The following CEND1 variants were observed in gnomAD, a reference collection of about 807,000 sequenced individuals.
CEND1 encodes cell cycle exit and neuronal differentiation protein 1.
In CEND1, 1 loss-of-function variant was observed where a neutral mutation model predicts 4.4. The ratio of observed to expected loss-of-function variants is 0.23; its 90% confidence interval spans 0.08 to 1.09. CEND1 has a LOEUF of 1.09. CEND1 is among the 50% of genes least tolerant of loss of function. The pLI, the probability that CEND1 is intolerant of heterozygous loss-of-function variation, is 0.55. For synonymous variants in CEND1, 109 were observed against 93.0 expected, an observed-to-expected ratio of 1.17 and a Z score of -0.99; for missense variants, 213 against 201.2, an observed-to-expected ratio of 1.06 and a Z score of -0.35.
At position 788,538 on chromosome 11, in the gene CEND1, G is replaced by A. The variant is rs144365138; in HGVS notation, c.39C>T (p.Pro13=). The A allele has an allele frequency of 2.6e-4, 396 of 1,521,630 alleles. No individual in the cohort carries two copies. Among genetic ancestry groups the A allele is most frequent in the Non-Finnish European group, 3.2e-4 (369 of 1,135,960 alleles). The allele number at this position is 1,521,630 out of a possible 1,614,324, so 94.3% of individuals were successfully genotyped here. Residue 13 remains proline (P), a synonymous_variant, in exon 2 of 2, where the codon CCC becomes CCT. Coordinates refer to ENST00000330106, the MANE Select transcript of CEND1 (RefSeq NM_016564.4). ...TGGTGACCTGGGGCACCTTGGTGTC[G>A]GGCTTGGGGCTGCTGGCTGACTTCC... is the stretch of plus-strand genomic sequence containing the variant. ...SRGKSASSPK[P]DTKVPQVTTE...
At chr11:789,010 G>A (rs547534065) in intron 1 of CEND1, among the ~76,000 whole-genome samples, 1 of 152,326 alleles carries the variant, frequency 6.6e-6, no homozygotes, top group South Asian at 2.1e-4. Context: ...AGAACTCGAA[G>A]GAAGAGCATT....
intron 1 of CEND1, among the ~76,000 whole-genome samples, chr11:789,657 C>T (rs1163302856): frequency 6.6e-6 from 1 of 152,028 alleles, no homozygotes; most frequent in Non-Finnish European, 1.5e-5. Flanking sequence ...ACGTTCCCCA[C>T]CCCCCGCCAG....
At position 790,015 on chromosome 11, in the gene CEND1, A is replaced by G; in HGVS notation, c.-83+15T>C. On this transcript the variant is annotated intron_variant, in intron 1 of 1. Coordinates refer to ENST00000330106, the MANE Select transcript of CEND1 (RefSeq NM_016564.4). ...CGCCCCGCCCGCCCCGCCCGCCGGG[A>G]GCCCCCCGCCTTACGCGTCCTCCGG... 1 of 151,986 alleles carries G rather than the reference A, an allele frequency of 6.6e-6. No homozygotes were observed. The highest frequency in any genetic ancestry group is 1.8e-4 in the South Asian group (1 of 5,598). The allele number at this position is 151,986 out of a possible 1,614,324, so 9.4% of individuals were successfully genotyped here.
In CEND1 at chr11:788,171, T is replaced by C. The variant is rs1198541283; in HGVS notation, c.406A>G (p.Ile136Val). 1 of 1,598,964 alleles carries C rather than the reference T, an allele frequency of 6.3e-7. No homozygotes were observed. The highest frequency in any genetic ancestry group is 8.5e-7 in the Non-Finnish European group (1 of 1,175,974). ...LVAGGVAVAAIALILGVAFLV... is the reference protein window; with the variant it reads ...LVAGGVAVAAVALILGVAFLV... ...AAGGCCACACCGAGAATCAGGGCTA[T>C]GGCTGCCACGGCCACACCCCCAGCC... The change falls in exon 2 of 2, where the codon ATA becomes GTA. Residue 136 changes from isoleucine (I) to valine (V), a missense_variant. Physicochemically the swap from Ile to Val is conservative, Grantham distance 29 (BLOSUM62 3). Transcript: ENST00000330106.
rs773445788 is a variant in CEND1, at chr11:788,594, G to A, written c.-18C>T. On this transcript the variant is annotated 5_prime_UTR_variant, in exon 2 of 2. Transcript: ENST00000330106. ...GACTCCATGGTGGGCGGGGCGTATGGGACAGGCAGGTGGCTGCACCAGAGG... is the reference window on the plus strand; with the variant it reads ...GACTCCATGGTGGGCGGGGCGTATGAGACAGGCAGGTGGCTGCACCAGAGG... 6.7e-7 allele frequency: 1 copy of A among 1,501,548 alleles called. No individual in the cohort carries two copies. Among genetic ancestry groups the A allele is most frequent in the Admixed American group, 2.3e-5 (1 of 44,050 alleles). The allele number at this position is 1,501,548 out of a possible 1,614,324, so 93.0% of individuals were successfully genotyped here.
chr11:787,920 G>A lies in CEND1; in HGVS notation c.*207C>T, dbSNP rs1864379099. The A allele has an allele frequency of 2.5e-6, 1 of 403,088 alleles. No individual in the cohort carries two copies. The highest frequency in any genetic ancestry group is 4.4e-6 in the Non-Finnish European group (1 of 229,496). The allele number at this position is 403,088 out of a possible 1,614,324, so 25.0% of individuals were successfully genotyped here. A position where few individuals can be genotyped will look rare whatever the true frequency, so the allele number is the denominator to read the frequency against. On this transcript the variant is annotated 3_prime_UTR_variant, in exon 2 of 2. Transcript: ENST00000330106. ...CTGTGCTGTGGACCCCGGAGCCTGG[G>A]CTCTTTCTGCCCTGGAGGTTGGGGA...
Position 787,906 on chromosome 11 carries a change from A to C in CEND1, c.*221T>G, listed in dbSNP as rs1276795850. On this transcript the variant is annotated 3_prime_UTR_variant, in exon 2 of 2. Transcript: ENST00000330106. ...CCTCGCCCCACATCCTGTGCTGTGGACCCCGGAGCCTGGGCTCTTTCTGCC... is the reference window on the plus strand; with the variant it reads ...CCTCGCCCCACATCCTGTGCTGTGGCCCCCGGAGCCTGGGCTCTTTCTGCC... 2.1e-5 allele frequency: 8 copies of C among 384,540 alleles called. No individual in the cohort carries two copies. In the East Asian group the frequency reaches 3.1e-4, roughly 15 times the overall value. 23.8% of individuals were successfully genotyped at this position (384,540 alleles called of 1,614,324 possible). A position where few individuals can be genotyped will look rare whatever the true frequency, so the allele number is the denominator to read the frequency against.
rs1565030244 is a variant in CEND1 at position 787,962 on chromosome 11, G to A, written c.*165C>T. ...GGTTGGGGAAGTCCTGGGTCAGCAGGGGTGGGCTCGGGCGTCCTCTTCACC... is the reference window on the plus strand; with the variant it reads ...GGTTGGGGAAGTCCTGGGTCAGCAGAGGTGGGCTCGGGCGTCCTCTTCACC... On this transcript the variant is annotated 3_prime_UTR_variant, in exon 2 of 2. Transcript: ENST00000330106. 1 of 492,424 alleles carries A rather than the reference G, an allele frequency of 2.0e-6. No individual in the cohort carries two copies. Among genetic ancestry groups the A allele is most frequent in the South Asian group, 5.8e-5 (1 of 17,216 alleles). 30.5% of individuals were successfully genotyped at this position (492,424 alleles called of 1,614,324 possible).
rs1179244356 is a variant in CEND1 at position 788,271 on chromosome 11, C to T, written c.306G>A (p.Glu102=). 4 of 1,612,672 alleles carry T rather than the reference C, an allele frequency of 2.5e-6. No individual in the cohort carries two copies. The highest frequency in any genetic ancestry group is 1.1e-5 in the South Asian group (1 of 91,018). ...PEPKGPGDGA[E]EDEAASGGPG... The stretch of plus-strand genomic sequence containing the variant: ...GCCCCCCACTGGCAGCCTCATCTTC[C>T]TCCGCCCCGTCCCCAGGACCCTTGG... Residue 102 remains glutamate, a synonymous_variant, in exon 2 of 2, where the codon GAG becomes GAA. Coordinates refer to ENST00000330106, the MANE Select transcript of CEND1 (RefSeq NM_016564.4).
At chr11:789,014 G>C (rs774598372) in intron 1 of CEND1, among the ~76,000 whole-genome samples, 11 of 152,200 alleles carry the variant, frequency 7.2e-5, no homozygotes, top group Non-Finnish European at 1.6e-4. Context: ...CTCGAAGGAA[G>C]AGCATTCTCC....
intron 1 of CEND1, among the ~76,000 whole-genome samples, 194 bp from the exon 2 acceptor site, chr11:788,852 C>T (rs1350525971): frequency 1.3e-5 from 2 of 152,200 alleles, no homozygotes; most frequent in Non-Finnish European, 2.9e-5. Flanking sequence ...CTCAAGGGGC[C>T]CCTCCAGCCG....
In CEND1 at chr11:788,622, C is replaced by G; in HGVS notation, c.-46G>C. The G allele has an allele frequency of 6.8e-7, 1 of 1,476,026 alleles. No homozygotes were observed. The highest frequency in any genetic ancestry group is 1.4e-5 in the African/African-American group (1 of 71,292). 91.4% of individuals were successfully genotyped at this position (1,476,026 alleles called of 1,614,324 possible). ...CAGGCAGGTGGCTGCACCAGAGGGG[C>G]TCAGGACAGTTTGTCGCCCCTGGGC... On this transcript the variant is annotated 5_prime_UTR_variant, in exon 2 of 2. Coordinates refer to ENST00000330106, the MANE Select transcript of CEND1 (RefSeq NM_016564.4).
Position 788,569 on chromosome 11 carries a change from G to A in CEND1, c.8C>T (p.Ser3Phe). 1 of 1,515,708 alleles carries A rather than the reference G, an allele frequency of 6.6e-7. No homozygotes were observed. Among genetic ancestry groups the A allele is most frequent in the Non-Finnish European group, 8.8e-7 (1 of 1,133,664 alleles). The allele number at this position is 1,515,708 out of a possible 1,614,324, so 93.9% of individuals were successfully genotyped here. The stretch of plus-strand genomic sequence containing the variant: ...GGGGCTGCTGGCTGACTTCCCTCTG[G>A]ACTCCATGGTGGGCGGGGCGTATGG... ME[S>F]RGKSASSPKP... is the part of the protein sequence containing the mutation. Residue 3 changes from serine (S) to phenylalanine (F), a missense_variant, in exon 2 of 2, where the codon TCC becomes TTC. Transcript: ENST00000330106.
rs945351127 is a variant in CEND1 at position 788,001 on chromosome 11, G to A, written c.*126C>T. The A allele has an allele frequency of 3.3e-5, 24 of 716,552 alleles. No homozygotes were observed. In the African/African-American group the frequency reaches 3.9e-4, roughly 12 times the overall value. The allele number at this position is 716,552 out of a possible 1,614,324, so 44.4% of individuals were successfully genotyped here. ...GTCCTCTTCACCGTGCGCGTGTGTT[G>A]GGGGCGTATGTAGGTGTGTAATGAA... On this transcript the variant is annotated 3_prime_UTR_variant, in exon 2 of 2. Transcript: ENST00000330106.
At chr11:789,781 C>T (rs920655706) in intron 1 of CEND1, among the ~76,000 whole-genome samples, 5 of 152,172 alleles carry the variant, frequency 3.3e-5, no homozygotes, top group Admixed American at 2.0e-4. Flanking sequence ...TTCACCCCTG[C>T]AGTTCTCGGG....
chr11:788,257 G>A lies in CEND1; in HGVS notation c.320C>T (p.Ala107Val), dbSNP rs1864383779. The A allele has an allele frequency of 1.2e-6, 2 of 1,611,872 alleles. No homozygotes were observed. Among genetic ancestry groups the A allele is most frequent in the South Asian group, 1.1e-5 (1 of 90,904 alleles). Residue 107 changes from alanine to valine, a missense_variant, in exon 2 of 2, where the codon GCC (alanine) becomes GTC (valine). Coordinates refer to ENST00000330106, the MANE Select transcript of CEND1 (RefSeq NM_016564.4). The stretch of plus-strand genomic sequence containing the variant: ...ACCTCGGCCCCCAGGCCCCCCACTG[G>A]CAGCCTCATCTTCCTCCGCCCCGTC... ...PGDGAEEDEA[A>V]SGGPGGRGPW...
chr11:789,127 G>A (rs1361294861), intron 1 of CEND1, among the ~76,000 whole-genome samples: 1 of 152,184 alleles, frequency 6.6e-6, no homozygotes, highest in Non-Finnish European at 1.5e-5. Flanking sequence ...CACGGAGGCT[G>A]TGACCTGGCC....
In CEND1 at chr11:788,397, G is replaced by T. The variant is rs969819140; in HGVS notation, c.180C>A (p.Ala60=). The change falls in exon 2 of 2, where the codon GCC becomes GCA. Residue 60 remains alanine (A), a synonymous_variant. Coordinates refer to ENST00000330106, the MANE Select transcript of CEND1 (RefSeq NM_016564.4). ...GGTCGGCCTTGGCCGAGGTCTTCTT[G>T]GCAGGTGCCGTGGTGGGGGCTGCTG... The part of the protein sequence containing the change: ...QPPAAPTTAP[A]KKTSAKADPA... 1.3e-6 allele frequency: 2 copies of T among 1,592,856 alleles called. No homozygotes were observed. The highest frequency in any genetic ancestry group is 1.7e-6 in the Non-Finnish European group (2 of 1,166,992).
chr11:788,172 G>T lies in CEND1; in HGVS notation c.405C>A (p.Ala135=). 6.2e-7 allele frequency: 1 copy of T among 1,600,608 alleles called. No individual in the cohort carries two copies. Residue 135 remains alanine (A), a synonymous_variant, in exon 2 of 2, where the codon GCC becomes GCA. Transcript: ENST00000330106. ...AGGCCACACCGAGAATCAGGGCTAT[G>T]GCTGCCACGGCCACACCCCCAGCCA... ...LLVAGGVAVA[A]IALILGVAFL... is the part of the protein sequence containing the mutation.
Sources: gnomAD v4.1 joint callset for allele counts (sites outside exome capture counted in the v4.1 genomes callset) on GRCh38, gnomAD v4.1.1 for gene constraint, MANE v1.5 for transcripts, NCBI Gene and HGNC (gene_info 2026-07-23, HGNC 2026-07-21) for gene names.